The following RNF17 variants were observed in gnomAD, a reference collection of about 807,000 sequenced individuals.
RNF17 encodes ring finger protein 17, also known as spermatogenesis associated 23.
Under a neutral mutation model 200.5 loss-of-function variants are expected in RNF17, and 31 were observed. The ratio of observed to expected loss-of-function variants is 0.15; its 90% CI spans 0.12 to 0.21. The LOEUF is 0.21. Among genes scored for constraint, RNF17 ranks in the 10% least tolerant of loss-of-function variants. RNF17 has a pLI of 1.00. For synonymous variants in RNF17, 606 were observed against 637.8 expected (o/e 0.95, Z 0.75); for missense variants, 1,628 against 1,905.1 (o/e 0.85, Z 2.71).
downstream of RNF17, chr13:24,883,980 T>A (rs1953936897): frequency 1.2e-6 from 2 of 1,614,050 alleles, no homozygotes; most frequent in African/African-American, 2.7e-5. Flanking sequence ...CTCTGACAAT[T>A]GTACCATCTG....
intron 15 of RNF17, among the ~76,000 whole-genome samples, chr13:24,809,200 G>A (rs1886272412): frequency 6.7e-6 from 1 of 149,454 alleles, no homozygotes; most frequent in South Asian, 2.2e-4. Context: ...CTATTGATTG[G>A]AATAGTTTCA....
At chr13:24,763,369 A>ATTTTTTTTTTTTTTTTTTTTTTTTTTTT, upstream of RNF17, among the ~76,000 whole-genome samples, 1 of 114,710 alleles carries the variant, frequency 8.7e-6, no homozygotes. Flanking sequence ...CGTCCGGCTA[A>ATTTTTTTTTTTTTTTTTTTTTTTTTTTT]TTTTTTTTTT....
At chr13:24,886,347 C>T in the RNF17 span, 1 of 1,289,182 alleles carries the variant, frequency 7.8e-7, no homozygotes, top group South Asian at 1.2e-5. Flanking sequence ...AGGTGGTCAG[C>T]CAACAAGCTG....
At chr13:24,831,803 TAAA>T (rs1889443624) in intron 17 of RNF17, 52 bp from the exon 18 acceptor site, 2 of 1,492,848 alleles carry the variant, frequency 1.3e-6, no homozygotes, top group Non-Finnish European at 9.1e-7. Context: ...ACTTGAATTC[TAAA>T]GTAGGTAGAA....
chr13:24,851,410 T>C, intron 23 of RNF17, 46 bp from the exon 24 acceptor site: 1 of 1,263,946 alleles, frequency 7.9e-7, no homozygotes, highest in Non-Finnish European at 1.2e-6. Flanking sequence ...TATATGAAGA[T>C]TTCATTTTGG....
rs1190207409 is a variant in RNF17, at chr13:24,843,875, C to T, written c.2735C>T (p.Ser912Leu). The change falls in exon 20 of 36, where the codon TCA (serine) becomes TTA (leucine). Residue 912 changes from serine to leucine, a missense_variant. By Grantham distance (145) the Ser-to-Leu change is moderately radical. Coordinates refer to ENST00000255324, the MANE Select transcript of RNF17 (RefSeq NM_031277.3). Reference protein sequence around the residue: ...AKSLPNENFQSLYNKELPVHI... With the variant: ...AKSLPNENFQLLYNKELPVHI... ...TCTCTACCTAATGAGAATTTTCAGT[C>T]ACTTTATAATAAGGAATTGCCTGTG... is the stretch of plus-strand genomic sequence containing the variant. The T allele has an allele frequency of 6.2e-7, 1 of 1,602,462 alleles. No individual in the cohort carries two copies. The highest frequency in any genetic ancestry group is 1.3e-5 in the African/African-American group (1 of 74,578).
intron 15 of RNF17, among the ~76,000 whole-genome samples, chr13:24,807,050 G>A (rs1390718083): frequency 6.6e-6 from 1 of 151,482 alleles, no homozygotes; most frequent in East Asian, 1.9e-4. Flanking sequence ...GTCTATCATT[G>A]TTGGACATTT....
intron 2 of RNF17, 49 bp from the exon 3 acceptor site, chr13:24,774,764 C>A: frequency 8.9e-7 from 1 of 1,123,132 alleles, no homozygotes; most frequent in Non-Finnish European, 1.3e-6. Flanking sequence ...TCTGGATAGG[C>A]ATAATTTATT....
chr13:24,808,237 A>C (rs1328372227), intron 15 of RNF17, among the ~76,000 whole-genome samples: 1 of 152,060 alleles, frequency 6.6e-6, no homozygotes. Context: ...TACCTTGGGC[A>C]GTGTGGCCAT....
chr13:24,810,964 T>C (rs1400571669), intron 15 of RNF17, among the ~76,000 whole-genome samples: 3 of 151,806 alleles, frequency 2.0e-5, no homozygotes, highest in African/African-American at 4.9e-5. Flanking sequence ...ATGTTGAATA[T>C]TGGCCCCCAC....
chr13:24,870,107 A>G (rs1393297030), intron 31 of RNF17, among the ~76,000 whole-genome samples: 1 of 151,168 alleles, frequency 6.6e-6, no homozygotes, highest in East Asian at 1.9e-4. Context: ...ACACGCGGCT[A>G]ATTTTTGTTT....
chr13:24,828,180 G>C (rs1764181700), intron 16 of RNF17, among the ~76,000 whole-genome samples: 1 of 152,108 alleles, frequency 6.6e-6, no homozygotes, highest in African/African-American at 2.4e-5. Context: ...TGAACAATAA[G>C]GCCTCTGAAA....
At chr13:24,772,416 T>G (rs1286012088) in intron 2 of RNF17, among the ~76,000 whole-genome samples, 21 of 148,650 alleles carry the variant, frequency 1.4e-4, no homozygotes. Context: ...GGAACCTGGT[T>G]TGAGTCTCCA....
At chr13:24,886,227 C>T in the RNF17 span, 3 of 972,080 alleles carry the variant, frequency 3.1e-6, no homozygotes, top group South Asian at 1.3e-5. Context: ...ATATTGTAAA[C>T]ACTCAACTTG....
chr13:24,884,817 C>G (rs1049381613), downstream of RNF17, among the ~76,000 whole-genome samples: 2 of 152,138 alleles, frequency 1.3e-5, no homozygotes, highest in African/African-American at 4.8e-5. Flanking sequence ...AGAAATGGAC[C>G]AGATTAGGTA....
chr13:24,882,969 T>A (rs2138521188), downstream of RNF17: 1 of 575,042 alleles, frequency 1.7e-6, no homozygotes, highest in East Asian at 3.0e-5. Flanking sequence ...TTCCTTAGTC[T>A]ATTGAAAGAC....
At chr13:24,887,001 G>C in the RNF17 span, among the ~76,000 whole-genome samples, 1 of 152,250 alleles carries the variant, frequency 6.6e-6, no homozygotes, top group East Asian at 1.9e-4. Flanking sequence ...CTAGAGGACT[G>C]TGTGAACCCA....
the RNF17 span, among the ~76,000 whole-genome samples, chr13:24,759,079 C>CAAAAAAAAA: frequency 1.5e-5 from 1 of 65,366 alleles, no homozygotes; most frequent in Non-Finnish European, 2.7e-5. Flanking sequence ...ACTGTGTCTC[C>CAAAAAAAAA]AAAAAAAAAA....
At chr13:24,858,912 A>C in intron 25 of RNF17, 89 bp from the exon 26 acceptor site, 1 of 839,308 alleles carries the variant, frequency 1.2e-6, no homozygotes, top group South Asian at 2.0e-5. Context: ...ACTGGTTTTT[A>C]ATTATACTAC....
Sources: gnomAD v4.1 joint callset for allele counts (sites outside exome capture counted in the v4.1 genomes callset) on GRCh38, gnomAD v4.1.1 for gene constraint, MANE v1.5 for transcripts, NCBI Gene and HGNC (gene_info 2026-07-23, HGNC 2026-07-21) for gene names.